The following LRRC37A2 variants were observed in gnomAD, a reference collection of about 807,000 sequenced individuals.
The protein encoded by LRRC37A2 is leucine rich repeat containing 37 member A2.
Under a neutral mutation model 68.8 loss-of-function variants are expected in LRRC37A2, and 9 were observed. The observed-to-expected ratio is 0.13, with a 90% CI of 0.08 to 0.23. LRRC37A2 has a LOEUF of 0.23. Among genes scored for constraint, LRRC37A2 ranks in the 10% least tolerant of loss-of-function variants. The probability of loss-of-function intolerance (pLI) is 1.00; values close to 1 mark genes in which losing one functional copy is unlikely to be tolerated. For synonymous variants in LRRC37A2, 63 were observed against 367.6 expected, an observed-to-expected ratio of 0.17 and a Z score of 9.48; for missense variants, 168 against 950.4, an observed-to-expected ratio of 0.18 and a Z score of 10.82.
the LRRC37A2 span, among the ~76,000 whole-genome samples, chr17:46,867,398 G>A: frequency 6.6e-6 from 1 of 152,252 alleles, no homozygotes. Flanking sequence ...CCTCTCATGA[G>A]TTAAGGTGTA....
chr17:46,729,064 G>C, the LRRC37A2 span: 1 of 579,582 alleles, frequency 1.7e-6, no homozygotes, highest in Non-Finnish European at 2.9e-6. Context: ...ATTTTGAAAG[G>C]TCGTCCAGTC....
the LRRC37A2 span, chr17:47,010,833 C>T: frequency 3.3e-5 from 5 of 152,296 alleles, no homozygotes; most frequent in South Asian, 2.1e-4. Context: ...GAGAAAACCC[C>T]GAGAGGGGGC....
the LRRC37A2 span, chr17:46,975,540 A>C: frequency 3.9e-5 from 6 of 152,298 alleles, no homozygotes; most frequent in African/African-American, 1.4e-4. Context: ...AACACCCTGC[A>C]GGCCTCAGGA....
the LRRC37A2 span, among the ~76,000 whole-genome samples, chr17:46,922,622 TACACATG>T: frequency 6.6e-6 from 1 of 152,208 alleles, no homozygotes; most frequent in Non-Finnish European, 1.5e-5. Flanking sequence ...TTCCCTACTT[TACACATG>T]ACACATAATA....
At chr17:46,875,416 C>T in the LRRC37A2 span, 29 of 1,520,366 alleles carry the variant, frequency 1.9e-5, no homozygotes, top group Non-Finnish European at 2.5e-5. Context: ...GGGTACACAG[C>T]TGGGGAGCAT....
At chr17:46,388,476 T>C in the LRRC37A2 span, among the ~76,000 whole-genome samples, 2 of 42,418 alleles carry the variant, frequency 4.7e-5, no homozygotes, top group South Asian at 1.0e-3. Context: ...GTAGGAGAAT[T>C]GCTTGAACCT....
the LRRC37A2 span, among the ~76,000 whole-genome samples, chr17:46,901,214 T>C: frequency 6.6e-6 from 1 of 152,192 alleles, no homozygotes; most frequent in East Asian, 1.9e-4. Context: ...CAGGCTGAAG[T>C]GCAGTGGTGC....
the LRRC37A2 span, among the ~76,000 whole-genome samples, chr17:46,493,975 G>A: frequency 6.6e-6 from 1 of 151,046 alleles, no homozygotes. Context: ...CTCCGAAGTA[G>A]TTAGGACCAC....
chr17:46,842,225 G>T, the LRRC37A2 span, among the ~76,000 whole-genome samples: 1 of 152,328 alleles, frequency 6.6e-6, no homozygotes, highest in African/African-American at 2.4e-5. Flanking sequence ...GCGCAAACTG[G>T]GTTGTGTGAG....
chr17:46,531,681 CAT>C (rs1346958230), intron 6 of LRRC37A2, among the ~76,000 whole-genome samples: 3 of 22,484 alleles, frequency 1.3e-4, no homozygotes, highest in Non-Finnish European at 2.2e-4. Context: ...CTTTTGGTGT[CAT>C]GTGTGTGTAT....
chr17:46,730,418 C>G, the LRRC37A2 span, among the ~76,000 whole-genome samples: 1 of 152,074 alleles, frequency 6.6e-6, no homozygotes, highest in Non-Finnish European at 1.5e-5. Flanking sequence ...ATACTATACA[C>G]ATTGATTTAA....
the LRRC37A2 span, among the ~76,000 whole-genome samples, chr17:46,803,264 C>T: frequency 2.0e-5 from 3 of 152,144 alleles, no homozygotes; most frequent in South Asian, 2.1e-4. Context: ...CCAGGCGTAG[C>T]GGCTCACACC....
the LRRC37A2 span, among the ~76,000 whole-genome samples, chr17:46,758,146 A>C: frequency 1.3e-5 from 2 of 152,244 alleles, no homozygotes; most frequent in African/African-American, 2.4e-5. Context: ...AGATTGCTTC[A>C]CATGGTTCAC....
chr17:46,878,087 CCT>C, the LRRC37A2 span, among the ~76,000 whole-genome samples: 2 of 152,332 alleles, frequency 1.3e-5, no homozygotes, highest in South Asian at 2.1e-4. Flanking sequence ...GTTGCACATG[CCT>C]CTCTTGTTCA....
chr17:46,466,757 A>C, the LRRC37A2 span, among the ~76,000 whole-genome samples: 838 of 100,810 alleles, frequency 8.3e-3, 74 homozygotes, highest in African/African-American at 0.027. Context: ...TCTTTATAGT[A>C]GAATGATTGT....
At chr17:47,046,622 G>T in the LRRC37A2 span, among the ~76,000 whole-genome samples, 1 of 85,596 alleles carries the variant, frequency 1.2e-5, no homozygotes. Flanking sequence ...TAAATATGTT[G>T]TAACTTATTG....
the LRRC37A2 span, chr17:46,923,184 GC>G: frequency 6.5e-7 from 1 of 1,537,910 alleles, no homozygotes; most frequent in Non-Finnish European, 8.8e-7. Context: ...GGCCTGCGGG[GC>G]CGGCGACATG....
the LRRC37A2 span, chr17:46,942,118 C>G: frequency 4.7e-6 from 1 of 211,882 alleles, no homozygotes; most frequent in Non-Finnish European, 8.2e-6. Flanking sequence ...TGTAGAATGT[C>G]GACATCAGGA....
At chr17:47,028,666 T>C in the LRRC37A2 span, among the ~76,000 whole-genome samples, 3 of 152,024 alleles carry the variant, frequency 2.0e-5, no homozygotes, top group African/African-American at 7.2e-5. Flanking sequence ...CCCAGAACTT[T>C]GGGAGCCGAG....
Sources: gnomAD v4.1 joint callset for allele counts (sites outside exome capture counted in the v4.1 genomes callset) on GRCh38, gnomAD v4.1.1 for gene constraint, MANE v1.5 for transcripts, NCBI Gene and HGNC (gene_info 2026-07-23, HGNC 2026-07-21) for gene names.